GRK3: variants seen among roughly 807,000 people sequenced by gnomAD.
The protein encoded by GRK3 is G protein-coupled receptor kinase 3.
GRK3 carries 54 observed loss-of-function variants against 95.7 expected under a neutral mutation model. That is an observed-to-expected ratio of 0.56 (90% confidence interval 0.45 to 0.71). The LOEUF (loss-of-function observed/expected upper bound fraction) is 0.71, where lower values mean the gene tolerates loss of function less well. Among genes scored for constraint, GRK3 ranks in the 30% least tolerant of loss-of-function variants. GRK3 has a pLI of 0.00. For missense variants in GRK3, 649 were observed against 851.2 expected (o/e 0.76, Z 2.96); for synonymous variants, 281 against 290.8 (o/e 0.97, Z 0.34).
At chr22:25,703,378 T>G in intron 13 of GRK3, 132 bp from the exon 14 acceptor site, 1 of 643,906 alleles carries the variant, frequency 1.6e-6, no homozygotes. Flanking sequence ...TGATAAATGT[T>G]TACGGCTTTT....
chr22:25,569,794 T>C (rs6004701), intron 1 of GRK3, among the ~76,000 whole-genome samples: 15,941 of 152,260 alleles, frequency 0.1, 2,673 homozygotes, highest in African/African-American at 0.36. Context: ...AATTGAGAGC[T>C]CATCCTCTGT....
At chr22:25,704,506 G>A (rs761046238) in intron 15 of GRK3, among the ~76,000 whole-genome samples, 1 of 152,158 alleles carries the variant, frequency 6.6e-6, no homozygotes, top group Admixed American at 6.5e-5. Flanking sequence ...ACCTCCTAGG[G>A]TTCAAGCAAT....
At position 25,723,365 on chromosome 22, in the gene GRK3, G is replaced by A. The variant is rs2085448986; in HGVS notation, c.*915G>A. The A allele has an allele frequency of 6.6e-6, 1 of 152,158 alleles. No individual in the cohort carries two copies. Among genetic ancestry groups the A allele is most frequent in the African/African-American group, 2.4e-5 (1 of 41,434 alleles). The allele number at this position is 152,158 out of a possible 1,614,324, so 9.4% of individuals were successfully genotyped here. On this transcript the variant is annotated 3_prime_UTR_variant, in exon 21 of 21. Transcript: ENST00000324198. ...CCTGGGAGACATATCAGTAATGGAT[G>A]TACAAAAGCAGGTCTGTTTTATGTC...
At chr22:25,608,738 G>C (rs1390288838) in intron 2 of GRK3, among the ~76,000 whole-genome samples, 129 of 152,284 alleles carry the variant, frequency 8.5e-4, no homozygotes, top group Middle Eastern at 3.4e-3. Context: ...CTTGGAGCCT[G>C]TAGATAAGAA....
At chr22:25,576,462 C>T (rs1380589819) in intron 1 of GRK3, among the ~76,000 whole-genome samples, 2 of 152,158 alleles carry the variant, frequency 1.3e-5, no homozygotes, top group Non-Finnish European at 2.9e-5. Flanking sequence ...CTGCCTAGAC[C>T]AGAAACCTTT....
In GRK3 at chr22:25,722,313, A is replaced by G; in HGVS notation, c.1930A>G (p.Lys644Glu). ...GAGTGATCCAGAGTTTGTGCAGTGGAAGAAAGAGTTGAACGAAACCTTCAA... is the reference window on the plus strand; with the variant it reads ...GAGTGATCCAGAGTTTGTGCAGTGGGAGAAAGAGTTGAACGAAACCTTCAA... ...CESDPEFVQW[K>E]KELNETFKEA... The change falls in exon 21 of 21, where the codon AAG (lysine) becomes GAG (glutamate). Residue 644 changes from lysine (K) to glutamate (E), a missense_variant. Physicochemically the swap from Lys to Glu is moderately conservative, Grantham distance 56. Transcript: ENST00000324198. 6.2e-7 allele frequency: 1 copy of G among 1,614,114 alleles called. No individual in the cohort carries two copies. Among genetic ancestry groups the G allele is most frequent in the African/African-American group, 1.3e-5 (1 of 75,012 alleles).
chr22:25,586,321 T>C (rs1932302170), intron 1 of GRK3, among the ~76,000 whole-genome samples: 1 of 152,292 alleles, frequency 6.6e-6, no homozygotes, highest in East Asian at 1.9e-4. Flanking sequence ...ACAGAGTGAC[T>C]ATAGTCAATA....
At chr22:25,599,802 T>G (rs536193032) in intron 1 of GRK3, among the ~76,000 whole-genome samples, 8 of 152,136 alleles carry the variant, frequency 5.3e-5, no homozygotes, top group Admixed American at 1.3e-4. Context: ...AAATGCAAAT[T>G]AAAACCACAG....
intron 2 of GRK3, among the ~76,000 whole-genome samples, chr22:25,606,560 GT>G (rs1287484718): frequency 1.6e-4 from 25 of 152,160 alleles, no homozygotes; most frequent in African/African-American, 5.8e-4. Flanking sequence ...GACTCCATGC[GT>G]TCCTGCCCTA....
chr22:25,600,524 A>G (rs1212074524), intron 1 of GRK3, among the ~76,000 whole-genome samples: 5 of 152,190 alleles, frequency 3.3e-5, no homozygotes, highest in African/African-American at 1.2e-4. Flanking sequence ...TAACAATACA[A>G]CAGTAAAAAT....
intron 2 of GRK3, 96 bp downstream of exon 2, chr22:25,604,549 T>C: frequency 1.4e-6 from 1 of 739,696 alleles, no homozygotes; most frequent in Non-Finnish European, 2.2e-6. Context: ...GTGCTTTATA[T>C]CCTCTATAGC....
intron 5 of GRK3, among the ~76,000 whole-genome samples, chr22:25,664,225 T>C (rs571867448): frequency 6.6e-6 from 1 of 152,326 alleles, no homozygotes; most frequent in African/African-American, 2.4e-5. Context: ...TGACAAGACT[T>C]GGAAAATCAG....
At chr22:25,600,221 A>G (rs886685570) in intron 1 of GRK3, among the ~76,000 whole-genome samples, 1 of 147,954 alleles carries the variant, frequency 6.8e-6, no homozygotes, top group Non-Finnish European at 1.5e-5. Flanking sequence ...ATCTCGGCTC[A>G]CTGCAACGTC....
At chr22:25,612,131 C>A (rs2084502886) in intron 2 of GRK3, among the ~76,000 whole-genome samples, 1 of 152,124 alleles carries the variant, frequency 6.6e-6, no homozygotes, top group Non-Finnish European at 1.5e-5. Flanking sequence ...CCAAGCCCGG[C>A]CTTTAGTGTC....
intron 2 of GRK3, among the ~76,000 whole-genome samples, chr22:25,642,300 G>A (rs941164984): frequency 3.3e-5 from 5 of 152,238 alleles, no homozygotes; most frequent in African/African-American, 4.8e-5. Context: ...GGCCATGATC[G>A]CGGGTGCCTG....
intron 5 of GRK3, among the ~76,000 whole-genome samples, chr22:25,667,132 A>G (rs573669284): frequency 2.0e-5 from 3 of 152,274 alleles, no homozygotes; most frequent in Admixed American, 2.0e-4. Flanking sequence ...CCTTACCTGT[A>G]AGATGAGGAG....
At chr22:25,689,893 A>G (rs1569197026) in intron 11 of GRK3, among the ~76,000 whole-genome samples, 1 of 152,230 alleles carries the variant, frequency 6.6e-6, no homozygotes, top group Non-Finnish European at 1.5e-5. Flanking sequence ...TGAAAAGGAA[A>G]TGCTTTTAAT....
chr22:25,692,337 T>C (rs1335507780), intron 12 of GRK3, among the ~76,000 whole-genome samples: 1 of 152,222 alleles, frequency 6.6e-6, no homozygotes, highest in Non-Finnish European at 1.5e-5. Context: ...CCAACAGATC[T>C]GGGTTTGGGT....
rs1467300568 is a variant in GRK3 at position 25,609,290 on chromosome 22, GTTAGAGGAGCATGTT to G, written c.190+4839_190+4853del. ...CTTCTCTGTCTGCAAGTTCACTCCT[GTTAGAGGAGCATGTT>G]TGAAACTATAAGAAGACTCCAAAAC... On this transcript the variant is annotated intron_variant, in intron 2 of 20. Coordinates refer to ENST00000324198, the MANE Select transcript of GRK3 (RefSeq NM_005160.4). 3.3e-5 allele frequency among the ~76,000 whole-genome samples: 5 copies of G among 151,664 alleles called. No individual in the cohort carries two copies. In the East Asian group the frequency reaches 7.8e-4, roughly 24 times the overall value.
Sources: gnomAD v4.1 joint callset for allele counts (sites outside exome capture counted in the v4.1 genomes callset) on GRCh38, gnomAD v4.1.1 for gene constraint, MANE v1.5 for transcripts, NCBI Gene and HGNC (gene_info 2026-07-23, HGNC 2026-07-21) for gene names.